Variants in SH3GL2 observed in about 807,000 individuals in gnomAD.
The protein encoded by SH3GL2 is SH3 domain containing GRB2 like 2, endophilin A1.
A neutral mutation model predicts 46.0 loss-of-function variants in SH3GL2; 24 were observed. That is an observed-to-expected ratio of 0.52 (90% CI 0.38 to 0.73). SH3GL2 has a LOEUF of 0.73. Among genes scored for constraint, SH3GL2 ranks in the 30% least tolerant of loss-of-function variants. The probability of loss-of-function intolerance (pLI) is 0.00; values close to 1 mark genes in which losing one functional copy is unlikely to be tolerated. For synonymous variants in SH3GL2, 196 were observed against 147.1 expected, an observed-to-expected ratio of 1.33 and a Z score of -2.40; for missense variants, 413 against 424.2, an observed-to-expected ratio of 0.97 and a Z score of 0.23.
chr9:17,715,997 C>T (rs914659880), intron 1 of SH3GL2, among the ~76,000 whole-genome samples: 2 of 152,026 alleles, frequency 1.3e-5, no homozygotes, highest in East Asian at 3.9e-4. Flanking sequence ...TGTGTATCAC[C>T]TTTGCACTGT....
At chr9:17,679,872 A>C (rs1388500502) in intron 1 of SH3GL2, among the ~76,000 whole-genome samples, 1 of 152,196 alleles carries the variant, frequency 6.6e-6, no homozygotes, top group East Asian at 1.9e-4. Flanking sequence ...CCTTTTCTGC[A>C]TCTCTTGAGA....
chr9:17,771,769 C>G (rs563981741), intron 3 of SH3GL2, among the ~76,000 whole-genome samples: 1 of 152,204 alleles, frequency 6.6e-6, no homozygotes, highest in African/African-American at 2.4e-5. Flanking sequence ...GTCTTAATAT[C>G]CCTCCCTGCT....
chr9:17,639,447 T>G (rs964459381), intron 1 of SH3GL2, among the ~76,000 whole-genome samples: 1 of 152,222 alleles, frequency 6.6e-6, no homozygotes, highest in African/African-American at 2.4e-5. Context: ...ATGTGAAATT[T>G]CAAGGAAATG....
intron 1 of SH3GL2, among the ~76,000 whole-genome samples, chr9:17,599,746 G>A (rs1269953227): frequency 1.3e-5 from 2 of 152,144 alleles, no homozygotes; most frequent in African/African-American, 4.8e-5. Flanking sequence ...TGTGGCCTGT[G>A]TATGTTCTTT....
intron 1 of SH3GL2, among the ~76,000 whole-genome samples, chr9:17,610,314 G>A (rs1385115398): frequency 2.6e-5 from 4 of 152,198 alleles, no homozygotes; most frequent in Non-Finnish European, 5.9e-5. Flanking sequence ...TCAGAGCTGT[G>A]TGTTAGTGTA....
At chr9:17,677,850 A>G (rs372973289) in intron 1 of SH3GL2, among the ~76,000 whole-genome samples, 40 of 151,556 alleles carry the variant, frequency 2.6e-4, no homozygotes, top group East Asian at 2.1e-3. Flanking sequence ...TCATTGTTCA[A>G]TTCCCACCTT....
At chr9:17,695,534 T>C (rs1716554300) in intron 1 of SH3GL2, among the ~76,000 whole-genome samples, 1 of 152,126 alleles carries the variant, frequency 6.6e-6, no homozygotes, top group African/African-American at 2.4e-5. Flanking sequence ...GATCTCAATA[T>C]ACTCCTCAGA....
chr9:17,693,068 C>G (rs566432643), intron 1 of SH3GL2, among the ~76,000 whole-genome samples: 41 of 152,124 alleles, frequency 2.7e-4, no homozygotes, highest in Non-Finnish European at 4.9e-4. Flanking sequence ...GGGACACAGC[C>G]AAACCATATC....
intron 1 of SH3GL2, among the ~76,000 whole-genome samples, chr9:17,617,910 A>G (rs750658262): frequency 2.0e-5 from 3 of 152,116 alleles, no homozygotes; most frequent in Non-Finnish European, 4.4e-5. Context: ...CCAGCTCAAG[A>G]CTTGAGTTGT....
At chr9:17,690,569 C>T (rs1821051028) in intron 1 of SH3GL2, among the ~76,000 whole-genome samples, 1 of 152,102 alleles carries the variant, frequency 6.6e-6, no homozygotes, top group Non-Finnish European at 1.5e-5. Flanking sequence ...CCACCAAGCT[C>T]CTGTGGCCAG....
At chr9:17,704,914 C>G (rs1013554564) in intron 1 of SH3GL2, among the ~76,000 whole-genome samples, 1 of 151,806 alleles carries the variant, frequency 6.6e-6, no homozygotes. Context: ...GTAATTGCAA[C>G]AAAAACAAAA....
intron 1 of SH3GL2, among the ~76,000 whole-genome samples, chr9:17,742,302 G>T (rs1183467801): frequency 6.6e-6 from 1 of 152,132 alleles, no homozygotes. Flanking sequence ...AACTGGGGGA[G>T]GATGAGTCAT....
At chr9:17,707,972 G>C (rs1324115272) in intron 1 of SH3GL2, among the ~76,000 whole-genome samples, 2 of 152,022 alleles carry the variant, frequency 1.3e-5, no homozygotes, top group Non-Finnish European at 2.9e-5. Flanking sequence ...TGTCCTCTTA[G>C]AAGCATGTAG....
At chr9:17,614,742 TGA>T (rs1379172813) in intron 1 of SH3GL2, among the ~76,000 whole-genome samples, 1 of 152,150 alleles carries the variant, frequency 6.6e-6, no homozygotes. Context: ...GTTCTACAGC[TGA>T]GAGGTGGGTT....
At chr9:17,615,438 C>T (rs971179659) in intron 1 of SH3GL2, among the ~76,000 whole-genome samples, 5 of 152,130 alleles carry the variant, frequency 3.3e-5, no homozygotes, top group South Asian at 2.1e-4. Flanking sequence ...GGGCGGATCA[C>T]GAGGCCGGGA....
chr9:17,691,644 T>G (rs1588244450), intron 1 of SH3GL2, among the ~76,000 whole-genome samples: 1 of 152,144 alleles, frequency 6.6e-6, no homozygotes, highest in East Asian at 1.9e-4. Context: ...TTGAGTTGCT[T>G]TCTTCTAGCT....
intron 1 of SH3GL2, chr9:17,735,656 CAG>C (rs1822312917): frequency 1.5e-5 from 5 of 339,536 alleles, no homozygotes; most frequent in Middle Eastern, 1.4e-3. Flanking sequence ...TTGGTAGACA[CAG>C]GGGTTCTAGG....
intron 1 of SH3GL2, among the ~76,000 whole-genome samples, chr9:17,710,993 C>T (rs1043961541): frequency 1.3e-5 from 2 of 151,934 alleles, no homozygotes; most frequent in African/African-American, 4.8e-5. Flanking sequence ...CACATTCATT[C>T]TCTGTCTCTC....
chr9:17,627,260 G>A (rs373992217), intron 1 of SH3GL2, among the ~76,000 whole-genome samples: 13 of 152,186 alleles, frequency 8.5e-5, no homozygotes, highest in Admixed American at 5.2e-4. Context: ...GCCATATATT[G>A]CTCCAAAGCT....
Sources: allele counts gnomAD v4.1 joint callset (sites outside exome capture counted in the v4.1 genomes callset), GRCh38; gene constraint gnomAD v4.1.1; transcripts MANE v1.5; gene names NCBI Gene and HGNC (gene_info 2026-07-23, HGNC 2026-07-21).